PDE4D: variants seen among roughly 807,000 people sequenced by gnomAD.
PDE4D encodes the protein phosphodiesterase 4D.
In PDE4D, 24 loss-of-function variants were observed where a neutral mutation model predicts 87.4. The observed-to-expected ratio is 0.27, with a 90% confidence interval of 0.20 to 0.39. PDE4D has a LOEUF of 0.39. Among genes scored for constraint, PDE4D ranks in the 10% least tolerant of loss-of-function variants. The pLI, the probability that PDE4D is intolerant of heterozygous loss-of-function variation, is 1.00. For synonymous variants in PDE4D, 384 were observed against 383.2 expected, an observed-to-expected ratio of 1.00 and a Z score of -0.02; for missense variants, 714 against 1,041.0, an observed-to-expected ratio of 0.69 and a Z score of 4.32.
chr5:60,411,689 G>A lies in PDE4D; in HGVS notation c.-90+76253C>T, dbSNP rs79362612. Among the ~76,000 whole-genome samples, 888 of 152,156 alleles carry A rather than the reference G, an allele frequency of 5.8e-3. 13 individuals are homozygous for A. The highest frequency in any genetic ancestry group is 0.021 in the African/African-American group (864 of 41,484). ...AAGTAAAATGACAATTTAAAAGATC[G>A]GCTCTAAATCAGGGATTAAAAACCA... On this transcript the variant is annotated intron_variant, in intron 1 of 16. Transcript: ENST00000502484.
intron 1 of PDE4D, among the ~76,000 whole-genome samples, chr5:59,284,654 C>T (rs7716975): frequency 0.023 from 2,942 of 128,974 alleles, 125 homozygotes; most frequent in African/African-American, 0.084. Context: ...GTCAGTGTGG[C>T]GATTCCTCAG....
chr5:59,268,212 AT>A (rs1371800734), intron 1 of PDE4D, among the ~76,000 whole-genome samples: 1 of 152,116 alleles, frequency 6.6e-6, no homozygotes, highest in Non-Finnish European at 1.5e-5. Context: ...CAGGATGCTC[AT>A]TAGGGAGCCA....
At chr5:59,617,465 G>A (rs1007521627) in intron 1 of PDE4D, among the ~76,000 whole-genome samples, 2 of 152,100 alleles carry the variant, frequency 1.3e-5, no homozygotes, top group Non-Finnish European at 2.9e-5. Context: ...CTAACTCCTC[G>A]TACGTGAGAA....
intron 1 of PDE4D, among the ~76,000 whole-genome samples, chr5:59,815,550 A>G (rs972988436): frequency 1.3e-5 from 2 of 152,200 alleles, no homozygotes; most frequent in African/African-American, 4.8e-5. Context: ...TAGTAATGAA[A>G]TGGGGTGGTT....
intron 5 of PDE4D, among the ~76,000 whole-genome samples, chr5:59,139,516 G>T (rs1466356043): frequency 5.3e-5 from 8 of 152,142 alleles, no homozygotes; most frequent in Non-Finnish European, 1.2e-4. Context: ...TTGAGACAGG[G>T]TCTCACTGTC....
intron 3 of PDE4D, among the ~76,000 whole-genome samples, chr5:59,953,651 C>T (rs567239925): frequency 2.0e-4 from 30 of 152,166 alleles, no homozygotes; most frequent in South Asian, 4.2e-4. Flanking sequence ...GCAGGCCCAG[C>T]GCTTATCAAA....
At chr5:60,260,423 T>C (rs1749529774) in intron 1 of PDE4D, among the ~76,000 whole-genome samples, 1 of 152,088 alleles carries the variant, frequency 6.6e-6, no homozygotes, top group Non-Finnish European at 1.5e-5. Flanking sequence ...GGATATTAAC[T>C]GACAGAACCA....
intron 3 of PDE4D, among the ~76,000 whole-genome samples, chr5:59,917,577 C>G (rs935077992): frequency 1.4e-4 from 22 of 152,200 alleles, no homozygotes; most frequent in Non-Finnish European, 2.9e-4. Flanking sequence ...AACTCTCTGA[C>G]TTTTAATGTC....
At chr5:59,773,671 T>C (rs1420866735) in intron 1 of PDE4D, among the ~76,000 whole-genome samples, 1 of 152,152 alleles carries the variant, frequency 6.6e-6, no homozygotes, top group Non-Finnish European at 1.5e-5. Context: ...CTTAGCCAAA[T>C]AATATATTCT....
At chr5:60,427,792 C>G (rs1743847335) in intron 1 of PDE4D, among the ~76,000 whole-genome samples, 1 of 152,080 alleles carries the variant, frequency 6.6e-6, no homozygotes, top group Non-Finnish European at 1.5e-5. Flanking sequence ...GGAGATGAGG[C>G]CAGGTGTTGT....
chr5:59,952,604 C>G (rs1452671109), intron 3 of PDE4D, among the ~76,000 whole-genome samples: 1 of 152,030 alleles, frequency 6.6e-6, no homozygotes, highest in Non-Finnish European at 1.5e-5. Flanking sequence ...TTGATCCAAC[C>G]CATGAAGTGT....
At chr5:60,305,367 G>T (rs1754399854) in intron 1 of PDE4D, among the ~76,000 whole-genome samples, 1 of 151,984 alleles carries the variant, frequency 6.6e-6, no homozygotes, top group African/African-American at 2.4e-5. Context: ...GAAAGACAGT[G>T]GGCTTAAGCA....
At chr5:60,193,480 C>T (rs1785359289) in intron 1 of PDE4D, among the ~76,000 whole-genome samples, 1 of 151,688 alleles carries the variant, frequency 6.6e-6, no homozygotes, top group Non-Finnish European at 1.5e-5. Context: ...ACCATCCTGG[C>T]TAACAAGATG....
At chr5:59,754,729 C>T (rs138204037) in intron 1 of PDE4D, among the ~76,000 whole-genome samples, 46 of 150,398 alleles carry the variant, frequency 3.1e-4, no homozygotes, top group African/African-American at 1.1e-3. Flanking sequence ...TTAAAACACC[C>T]ATGTTTACAC....
chr5:59,244,690 G>GTGTC (rs1758466626), intron 1 of PDE4D, among the ~76,000 whole-genome samples: 1 of 144,720 alleles, frequency 6.9e-6, no homozygotes. Context: ...CTGTGTGTGT[G>GTGTC]TGTGTGTGTG....
chr5:59,441,555 C>T (rs917048156), intron 1 of PDE4D, among the ~76,000 whole-genome samples: 1 of 152,188 alleles, frequency 6.6e-6, no homozygotes, highest in African/African-American at 2.4e-5. Flanking sequence ...GGACTGATTG[C>T]TCCTTGTTGA....
At chr5:59,180,669 G>A in intron 4 of PDE4D, 25 bp from the exon 5 acceptor site, 1 of 1,606,878 alleles carries the variant, frequency 6.2e-7, no homozygotes, top group Non-Finnish European at 8.5e-7. Context: ...AAAACACAAA[G>A]CAGTAAATAT....
chr5:60,261,822 T>C (rs534931242), intron 1 of PDE4D, among the ~76,000 whole-genome samples: 74 of 152,280 alleles, frequency 4.9e-4, no homozygotes, highest in South Asian at 2.5e-3. Flanking sequence ...CAAGTGTGCA[T>C]GAAACAGATA....
chr5:59,920,512 C>T (rs1754545886), intron 3 of PDE4D, among the ~76,000 whole-genome samples: 1 of 151,930 alleles, frequency 6.6e-6, no homozygotes, highest in Non-Finnish European at 1.5e-5. Flanking sequence ...AGTATTTTTT[C>T]GTCTACCTGG....
Sources: allele counts gnomAD v4.1 joint callset (sites outside exome capture counted in the v4.1 genomes callset), GRCh38; gene constraint gnomAD v4.1.1; transcripts MANE v1.5; gene names NCBI Gene and HGNC (gene_info 2026-07-23, HGNC 2026-07-21).